The following ABCA13 variants were observed in gnomAD, a reference collection of about 807,000 sequenced individuals.
ABCA13 encodes the protein ATP-binding cassette sub-family A member 13.
ABCA13 carries 476 observed loss-of-function variants against 478.7 expected under a neutral mutation model. That is an observed-to-expected ratio of 0.99 (90% CI 0.92 to 1.07). The LOEUF is 1.07. Among genes scored for constraint, ABCA13 ranks in the 50% least tolerant of loss-of-function variants. ABCA13 has a pLI of 0.00. For synonymous variants in ABCA13, 2,252 were observed against 2,158.9 expected (o/e 1.04, Z -1.20); for missense variants, 6,060 against 5,910.6 (o/e 1.03, Z -0.83).
At chr7:48,410,951 G>T (rs1379562559) in intron 40 of ABCA13, among the ~76,000 whole-genome samples, 1 of 151,824 alleles carries the variant, frequency 6.6e-6, no homozygotes, top group Non-Finnish European at 1.5e-5. Context: ...GGAAGTATAT[G>T]ACCTATGTAT....
At chr7:48,438,529 T>C (rs1823145938) in intron 42 of ABCA13, among the ~76,000 whole-genome samples, 1 of 151,934 alleles carries the variant, frequency 6.6e-6, no homozygotes, top group African/African-American at 2.4e-5. Flanking sequence ...TTTTGTGAGC[T>C]TTTTGACGTT....
chr7:48,343,491 G>A (rs1447007879), intron 29 of ABCA13, among the ~76,000 whole-genome samples: 3 of 152,150 alleles, frequency 2.0e-5, no homozygotes, highest in African/African-American at 7.2e-5. Flanking sequence ...TTTTTGGCAG[G>A]ATCAAATACC....
chr7:48,310,597 A>T (rs957705544), intron 24 of ABCA13, among the ~76,000 whole-genome samples: 7 of 152,116 alleles, frequency 4.6e-5, no homozygotes, highest in African/African-American at 7.2e-5. Context: ...GTCAGCGGGA[A>T]GCATCCAGCT....
intron 55 of ABCA13, among the ~76,000 whole-genome samples, chr7:48,577,642 C>T (rs1230824540): frequency 1.3e-5 from 2 of 152,076 alleles, no homozygotes; most frequent in Non-Finnish European, 2.9e-5. Flanking sequence ...CTGGTGAATT[C>T]TACCATTTAA....
intron 15 of ABCA13, among the ~76,000 whole-genome samples, chr7:48,265,850 G>A (rs11977113): frequency 0.13 from 19,084 of 151,462 alleles, 1,233 homozygotes; most frequent in South Asian, 0.18. Context: ...TCCTGGAAGA[G>A]GCGCATTTAA....
intron 27 of ABCA13, among the ~76,000 whole-genome samples, chr7:48,331,356 G>T (rs989674615): frequency 4.6e-5 from 7 of 152,248 alleles, no homozygotes; most frequent in South Asian, 2.1e-4. Flanking sequence ...CACACTTTTA[G>T]TTGGGATTAT....
chr7:48,538,344 A>G (rs1250865364), intron 55 of ABCA13, among the ~76,000 whole-genome samples: 1 of 151,620 alleles, frequency 6.6e-6, no homozygotes, highest in Non-Finnish European at 1.5e-5. Flanking sequence ...CAGGTGATCC[A>G]CCCACCTCGA....
Position 48,584,128 on chromosome 7 carries a change from A to C in ABCA13, c.14506-3026A>C, listed in dbSNP as rs115197637. 7.3e-3 allele frequency among the ~76,000 whole-genome samples: 1,118 copies of C among 152,260 alleles called. 10 individuals carry two copies. The highest frequency in any genetic ancestry group is 0.025 in the African/African-American group (1,056 of 41,554). ...TATTATTATTTTTATTTCATTTGTCAGTTTATCAGTTTTCTTTTATGTATG... is the reference window on the plus strand; with the variant it reads ...TATTATTATTTTTATTTCATTTGTCCGTTTATCAGTTTTCTTTTATGTATG... On this transcript the variant is annotated intron_variant, in intron 56 of 61. Coordinates refer to ENST00000435803, the MANE Select transcript of ABCA13 (RefSeq NM_152701.5).
chr7:48,497,006 T>C (rs1830336056), intron 48 of ABCA13, among the ~76,000 whole-genome samples: 1 of 152,096 alleles, frequency 6.6e-6, no homozygotes, highest in African/African-American at 2.4e-5. Flanking sequence ...TCAGCTGTTA[T>C]GTCTTTGAAC....
At chr7:48,329,563 A>G (rs1302516675) in intron 27 of ABCA13, among the ~76,000 whole-genome samples, 1 of 151,972 alleles carries the variant, frequency 6.6e-6, no homozygotes, top group African/African-American at 2.4e-5. Flanking sequence ...CCATCCGTCC[A>G]TCCATCCATC....
rs529245638 is a variant in ABCA13 at position 48,361,003 on chromosome 7, G to A, written c.10689-6791G>A. 4.0e-5 allele frequency among the ~76,000 whole-genome samples: 6 copies of A among 151,694 alleles called. No individual in the cohort carries two copies. The South Asian group carries it at 1.3e-3, about 32-fold the overall frequency. ...CCCAGCTAATTGGGAGGGTGAGAGG[G>A]GAGAATTGCTTGAGCCCAGGAGGCT... On this transcript the variant is annotated intron_variant, in intron 31 of 61. Coordinates refer to ENST00000435803, the MANE Select transcript of ABCA13 (RefSeq NM_152701.5).
chr7:48,307,122 C>G (rs1174238372), intron 23 of ABCA13, among the ~76,000 whole-genome samples: 1 of 152,234 alleles, frequency 6.6e-6, no homozygotes, highest in South Asian at 2.1e-4. Flanking sequence ...AAATCTCTCT[C>G]AATGTATGTA....
intron 15 of ABCA13, among the ~76,000 whole-genome samples, chr7:48,268,658 T>C (rs1336450169): frequency 6.6e-6 from 1 of 152,132 alleles, no homozygotes; most frequent in Non-Finnish European, 1.5e-5. Context: ...GCACGTCCAC[T>C]GGACTCTGGT....
chr7:48,549,410 G>C (rs1785112172), intron 55 of ABCA13, among the ~76,000 whole-genome samples: 1 of 151,698 alleles, frequency 6.6e-6, no homozygotes. Flanking sequence ...CTTTTTTATG[G>C]CTGCATAGTA....
intron 55 of ABCA13, among the ~76,000 whole-genome samples, chr7:48,571,396 T>C (rs78619008): frequency 6.6e-6 from 1 of 152,164 alleles, no homozygotes; most frequent in Non-Finnish European, 1.5e-5. Flanking sequence ...CAGTTTTTGT[T>C]GAGCTGTGAA....
intron 45 of ABCA13, among the ~76,000 whole-genome samples, chr7:48,480,827 G>C (rs75149901): frequency 0.012 from 1,752 of 152,142 alleles, 17 homozygotes; most frequent in Non-Finnish European, 0.017. Flanking sequence ...AGATATAATT[G>C]ACTGCATAAG....
intron 53 of ABCA13, among the ~76,000 whole-genome samples, chr7:48,522,657 G>A (rs1203121390): frequency 6.6e-6 from 1 of 152,226 alleles, no homozygotes; most frequent in East Asian, 1.9e-4. Flanking sequence ...ACACTGGATT[G>A]TTGTGAGTGG....
chr7:48,580,396 T>G, intron 56 of ABCA13, 22 bp downstream of exon 56: 1 of 1,603,246 alleles, frequency 6.2e-7, no homozygotes. Flanking sequence ...TGGGGTCTTC[T>G]AGATAAAGGG....
In ABCA13 at chr7:48,352,456, G is replaced by A. The variant is rs1327931619; in HGVS notation, c.10657G>A (p.Ala3553Thr). 1 of 1,610,928 alleles carries A rather than the reference G, an allele frequency of 6.2e-7. No homozygotes were observed. The highest frequency in any genetic ancestry group is 8.5e-7 in the Non-Finnish European group (1 of 1,178,362). Residue 3553 changes from alanine (A) to threonine (T), a missense_variant, in exon 31 of 62, where the codon GCG becomes ACG. Ala to Thr is a moderately conservative substitution (Grantham distance 58). Coordinates refer to ENST00000435803, the MANE Select transcript of ABCA13 (RefSeq NM_152701.5). ...EALEPAAQTQ[A>T]APYPCHTSDL... is the part of the protein sequence containing the mutation. ...CCTGGAACCAGCAGCACAGACTCAG[G>A]CGGCCCCTTACCCCTGCCATACCAG...
Sources: gnomAD v4.1 joint callset for allele counts (sites outside exome capture counted in the v4.1 genomes callset) on GRCh38, gnomAD v4.1.1 for gene constraint, MANE v1.5 for transcripts, NCBI Gene and HGNC (gene_info 2026-07-23, HGNC 2026-07-21) for gene names.